The following EPB41L4A variants were observed in gnomAD, a reference collection of about 807,000 sequenced individuals.
The protein encoded by EPB41L4A is erythrocyte membrane protein band 4.1 like 4A, also known as band 4.1-like protein 4A.
In EPB41L4A, 100 loss-of-function variants were observed where a neutral mutation model predicts 108.6. The ratio of observed to expected loss-of-function variants is 0.92; its 90% confidence interval spans 0.78 to 1.09. EPB41L4A has a LOEUF of 1.09. Ranked by LOEUF, EPB41L4A falls within the 50% of genes least tolerant of loss-of-function variation. The pLI, the probability that EPB41L4A is intolerant of heterozygous loss-of-function variation, is 0.00. For synonymous variants in EPB41L4A, 319 were observed against 289.0 expected, an observed-to-expected ratio of 1.10 and a Z score of -1.05; for missense variants, 1,030 against 842.7, an observed-to-expected ratio of 1.22 and a Z score of -2.75.
intron 1 of EPB41L4A, among the ~76,000 whole-genome samples, chr5:112,415,013 T>C (rs1762626672): frequency 6.6e-6 from 1 of 152,232 alleles, no homozygotes; most frequent in Non-Finnish European, 1.5e-5. Flanking sequence ...TACCAAAAGA[T>C]ATGAGTATTC....
At chr5:112,247,644 G>A (rs1750345360) in intron 9 of EPB41L4A, among the ~76,000 whole-genome samples, 1 of 152,080 alleles carries the variant, frequency 6.6e-6, no homozygotes, top group Admixed American at 6.6e-5. Flanking sequence ...AGACTTCCAA[G>A]ACTTTTGGAA....
intron 7 of EPB41L4A, among the ~76,000 whole-genome samples, chr5:112,262,017 G>C (rs62364081): frequency 0.069 from 10,340 of 150,442 alleles, 407 homozygotes; most frequent in Middle Eastern, 0.09. Context: ...TCAGCCTCCC[G>C]AGTGGCTGGG....
At chr5:112,183,941 T>A in intron 18 of EPB41L4A, 75 bp downstream of exon 18, 1 of 1,570,196 alleles carries the variant, frequency 6.4e-7, no homozygotes, top group Non-Finnish European at 8.7e-7. Flanking sequence ...CTAAAACACT[T>A]TAGAAGACCT....
At chr5:112,246,903 G>A (rs1022971974) in intron 9 of EPB41L4A, among the ~76,000 whole-genome samples, 18 of 152,076 alleles carry the variant, frequency 1.2e-4, no homozygotes, top group African/African-American at 4.3e-4. Context: ...TAGATGTAGA[G>A]CTCTCAAAAT....
At chr5:112,383,359 C>CA (rs1042240354) in intron 1 of EPB41L4A, among the ~76,000 whole-genome samples, 27 of 152,058 alleles carry the variant, frequency 1.8e-4, no homozygotes, top group Admixed American at 5.2e-4. Context: ...AAAACGTAAC[C>CA]AAAAAATGTG....
intron 9 of EPB41L4A, among the ~76,000 whole-genome samples, chr5:112,246,079 C>G (rs1370596709): frequency 6.6e-6 from 1 of 152,136 alleles, no homozygotes; most frequent in African/African-American, 2.4e-5. Flanking sequence ...GGTGGCAGAG[C>G]TGGGAAAGGG....
At chr5:112,233,258 C>A (rs1260355075) in intron 12 of EPB41L4A, among the ~76,000 whole-genome samples, 1 of 152,034 alleles carries the variant, frequency 6.6e-6, no homozygotes, top group African/African-American at 2.4e-5. Flanking sequence ...AGGAAACTGA[C>A]AAATTATAAT....
chr5:112,393,475 A>G (rs2112689039), intron 1 of EPB41L4A, among the ~76,000 whole-genome samples: 1 of 152,368 alleles, frequency 6.6e-6, no homozygotes, highest in South Asian at 2.1e-4. Context: ...CTACGCAAAT[A>G]AACTAGAAAA....
At chr5:112,188,287 T>C (rs1761524352) in intron 17 of EPB41L4A, among the ~76,000 whole-genome samples, 1 of 152,182 alleles carries the variant, frequency 6.6e-6, no homozygotes, top group African/African-American at 2.4e-5. Flanking sequence ...ACATACTCCC[T>C]TAAGACCAGC....
intron 1 of EPB41L4A, among the ~76,000 whole-genome samples, chr5:112,409,789 T>C (rs754811062): frequency 6.6e-6 from 1 of 152,146 alleles, no homozygotes; most frequent in South Asian, 2.1e-4. Flanking sequence ...AAGGGTTTCA[T>C]GTATAGCATC....
chr5:112,240,813 AAG>A lies in EPB41L4A; in HGVS notation c.796-5_796-4del. ...AAAAAGAATGAGGTTTCGTTACACT[AAG>A]AGAGAAAGAGAGACAGAATATGAAT... is the stretch of plus-strand genomic sequence containing the variant. On this transcript the variant is annotated splice_region_variant and splice_polypyrimidine_tract_variant and intron_variant, in intron 9 of 22. Transcript: ENST00000261486. 6.5e-7 allele frequency: 1 copy of A among 1,527,230 alleles called. No homozygotes were observed. Among genetic ancestry groups the A allele is most frequent in the Non-Finnish European group, 8.9e-7 (1 of 1,123,278 alleles). The allele number at this position is 1,527,230 out of a possible 1,614,324, so 94.6% of individuals were successfully genotyped here.
intron 18 of EPB41L4A, 114 bp downstream of exon 18, chr5:112,183,902 A>C: frequency 7.6e-7 from 1 of 1,314,584 alleles, no homozygotes; most frequent in Non-Finnish European, 1.0e-6. Context: ...TAAATATGAC[A>C]AATAAACAAT....
At chr5:112,166,906 C>A (rs139311403) in intron 22 of EPB41L4A, among the ~76,000 whole-genome samples, 1 of 152,348 alleles carries the variant, frequency 6.6e-6, no homozygotes, top group East Asian at 1.9e-4. Flanking sequence ...GTGCTCAACA[C>A]TCCTTAGATG....
chr5:112,246,153 G>A (rs1008540635), intron 9 of EPB41L4A, among the ~76,000 whole-genome samples: 10 of 152,316 alleles, frequency 6.6e-5, no homozygotes, highest in Middle Eastern at 3.4e-3. Flanking sequence ...TTTGTCAGAA[G>A]ATAGGAGCCC....
intron 1 of EPB41L4A, among the ~76,000 whole-genome samples, chr5:112,309,365 C>G (rs1754899612): frequency 6.6e-6 from 1 of 152,150 alleles, no homozygotes; most frequent in South Asian, 2.1e-4. Context: ...TTTCTCTACT[C>G]AGGGACGTTA....
rs774851638 is a variant in EPB41L4A, at chr5:112,209,995, G to C, written c.1088-13C>G. On this transcript the variant is annotated splice_polypyrimidine_tract_variant and intron_variant, in intron 12 of 22. Coordinates refer to ENST00000261486, the MANE Select transcript of EPB41L4A (RefSeq NM_022140.5). ...ATGCTGTTTGATTCTAGCAGAGGAG[G>C]AGAAGGAAAGATGGAAGAGAGAGGA... 4.2e-6 allele frequency: 6 copies of C among 1,438,640 alleles called. No individual in the cohort carries two copies. Among genetic ancestry groups the C allele is most frequent in the Non-Finnish European group, 4.9e-6 (5 of 1,030,814 alleles). The allele number at this position is 1,438,640 out of a possible 1,614,324, so 89.1% of individuals were successfully genotyped here.
At chr5:112,216,739 C>T (rs1747670225) in intron 12 of EPB41L4A, among the ~76,000 whole-genome samples, 1 of 152,158 alleles carries the variant, frequency 6.6e-6, no homozygotes, top group South Asian at 2.1e-4. Context: ...TATCAAAAGA[C>T]ATGATATTTG....
At chr5:112,197,173 AAG>A (rs1486046201) in intron 15 of EPB41L4A, among the ~76,000 whole-genome samples, 1 of 152,080 alleles carries the variant, frequency 6.6e-6, no homozygotes, top group East Asian at 1.9e-4. Flanking sequence ...TAACTTTTTC[AAG>A]ACTCTACTGT....
chr5:112,391,776 G>C (rs919482685), intron 1 of EPB41L4A, among the ~76,000 whole-genome samples: 1 of 152,052 alleles, frequency 6.6e-6, no homozygotes, highest in South Asian at 2.1e-4. Context: ...ACACATAATT[G>C]TCAGATTCAC....
Sources: gnomAD v4.1 joint callset for allele counts (sites outside exome capture counted in the v4.1 genomes callset) on GRCh38, gnomAD v4.1.1 for gene constraint, MANE v1.5 for transcripts, NCBI Gene and HGNC (gene_info 2026-07-23, HGNC 2026-07-21) for gene names.